Variants in ATG10 observed in about 807,000 individuals in gnomAD.
ATG10 encodes autophagy related 10.
In ATG10, 30 loss-of-function variants were observed where a neutral mutation model predicts 32.1. The observed-to-expected ratio is 0.94, with a 90% CI of 0.70 to 1.27. ATG10 has a LOEUF of 1.27. Ranked by LOEUF, ATG10 falls within the 50% of genes most tolerant of loss-of-function variation. The pLI is 0.00. For synonymous variants in ATG10, 87 were observed against 91.5 expected (o/e 0.95, Z 0.28); for missense variants, 233 against 262.3 (o/e 0.89, Z 0.77).
At chr5:82,135,237 T>C (rs1294081621) in intron 3 of ATG10, among the ~76,000 whole-genome samples, 1 of 152,218 alleles carries the variant, frequency 6.6e-6, no homozygotes, top group African/African-American at 2.4e-5. Context: ...AGTTCTGCTC[T>C]GATCTTAGTT....
At chr5:82,084,575 C>A (rs1764602215) in intron 3 of ATG10, among the ~76,000 whole-genome samples, 1 of 152,128 alleles carries the variant, frequency 6.6e-6, no homozygotes, top group Admixed American at 6.5e-5. Context: ...TTAAGGGCAG[C>A]CAGAGAGAAA....
intron 2 of ATG10, among the ~76,000 whole-genome samples, chr5:82,024,785 TA>T (rs1235189172): frequency 2.6e-5 from 4 of 152,212 alleles, no homozygotes; most frequent in African/African-American, 9.6e-5. Context: ...GAACCTCAAG[TA>T]GAGATATTCT....
chr5:81,981,908 C>T (rs1046982128), intron 1 of ATG10, among the ~76,000 whole-genome samples: 11 of 152,224 alleles, frequency 7.2e-5, no homozygotes, highest in Admixed American at 3.3e-4. Flanking sequence ...TGTTAGAATT[C>T]ACTAAGGCTG....
intron 3 of ATG10, among the ~76,000 whole-genome samples, chr5:82,079,274 G>A (rs918801077): frequency 9.9e-5 from 15 of 152,070 alleles, no homozygotes; most frequent in African/African-American, 3.6e-4. Flanking sequence ...GGCTAGGGAG[G>A]CCTCACAATC....
intron 3 of ATG10, among the ~76,000 whole-genome samples, chr5:82,138,930 C>T (rs1236239466): frequency 2.1e-5 from 3 of 143,856 alleles, no homozygotes; most frequent in Non-Finnish European, 3.0e-5. Flanking sequence ...CTGCTGCCAT[C>T]TCGGCTCACT....
chr5:81,972,201 T>TG lies in ATG10; in HGVS notation c.-116dup, dbSNP rs1218506310. 2.6e-5 allele frequency: 4 copies of TG among 152,212 alleles called. No homozygotes were observed. Among genetic ancestry groups the TG allele is most frequent in the Non-Finnish European group, 1.5e-5 (1 of 68,108 alleles). 9.4% of individuals were successfully genotyped at this position (152,212 alleles called of 1,614,324 possible). On this transcript the variant is annotated 5_prime_UTR_variant, in exon 1 of 8. Transcript: ENST00000282185. Reference sequence around the variant, plus strand: ...TTCCGTAGGGTCACCGGCGCGGCAGTGGCCTCGCAGGGCGCTGGGTCCCTC... The same window carrying TG: ...TTCCGTAGGGTCACCGGCGCGGCAGTGGGCCTCGCAGGGCGCTGGGTCCCTC...
chr5:82,085,059 C>T (rs1225686970), intron 3 of ATG10, among the ~76,000 whole-genome samples: 2 of 151,932 alleles, frequency 1.3e-5, no homozygotes, highest in African/African-American at 4.8e-5. Context: ...GAATCAAGAC[C>T]CATTAGTGTG....
chr5:82,182,316 A>G (rs778743516), intron 5 of ATG10, among the ~76,000 whole-genome samples: 3 of 152,108 alleles, frequency 2.0e-5, no homozygotes, highest in Non-Finnish European at 4.4e-5. Context: ...GGTTTTTTCC[A>G]TATCTCATAC....
chr5:82,001,562 T>C (rs1761849739), intron 2 of ATG10, among the ~76,000 whole-genome samples: 1 of 152,138 alleles, frequency 6.6e-6, no homozygotes, highest in Non-Finnish European at 1.5e-5. Context: ...GGACTCCCTA[T>C]TCAATAAATG....
intron 3 of ATG10, among the ~76,000 whole-genome samples, chr5:82,060,716 T>A (rs1763739139): frequency 6.6e-6 from 1 of 152,002 alleles, no homozygotes; most frequent in South Asian, 2.1e-4. Context: ...AATACAAAAT[T>A]TAGCCAGGTG....
intron 4 of ATG10, among the ~76,000 whole-genome samples, chr5:82,165,209 A>T (rs1206009126): frequency 6.6e-6 from 1 of 152,192 alleles, no homozygotes; most frequent in Non-Finnish European, 1.5e-5. Context: ...CCGGGTCAGC[A>T]TTGGGATGTG....
intron 5 of ATG10, among the ~76,000 whole-genome samples, chr5:82,230,051 C>G (rs1227171373): frequency 6.6e-6 from 1 of 152,210 alleles, no homozygotes; most frequent in Non-Finnish European, 1.5e-5. Flanking sequence ...AGTTGCCCAA[C>G]CCCATCCCGA....
intron 5 of ATG10, among the ~76,000 whole-genome samples, chr5:82,225,279 G>A (rs993740462): frequency 1.3e-5 from 2 of 152,208 alleles, no homozygotes; most frequent in African/African-American, 2.4e-5. Flanking sequence ...AGCACTGACT[G>A]TGTGGTCAAA....
At chr5:82,223,769 A>G (rs1428751313) in intron 5 of ATG10, among the ~76,000 whole-genome samples, 1 of 152,224 alleles carries the variant, frequency 6.6e-6, no homozygotes, top group Non-Finnish European at 1.5e-5. Context: ...TAGGTCACTG[A>G]TAGAAATTTT....
At position 82,059,405 on chromosome 5, in the gene ATG10, CACTTTT is replaced by C. The variant is rs1015820344; in HGVS notation, c.216+804_216+809del. On this transcript the variant is annotated intron_variant, in intron 3 of 7. Coordinates refer to ENST00000282185, the MANE Select transcript of ATG10 (RefSeq NM_031482.5). Reference sequence around the variant, plus strand: ...TCTATCATATACACACACACACACACACTTTTTTTTTTTTTTGCAATGAACAAGTAT... The same window carrying C: ...TCTATCATATACACACACACACACACTTTTTTTTTTGCAATGAACAAGTAT... Among the ~76,000 whole-genome samples, 6 of 143,140 alleles carry C rather than the reference CACTTTT, an allele frequency of 4.2e-5. No homozygotes were observed. The South Asian group carries it at 1.1e-3, about 26-fold the overall frequency. The allele number at this position is 143,140 out of a possible 152,430, so 93.9% of individuals were successfully genotyped here.
At chr5:82,166,948 G>T (rs961072174) in intron 4 of ATG10, among the ~76,000 whole-genome samples, 17 of 151,932 alleles carry the variant, frequency 1.1e-4, no homozygotes, top group African/African-American at 3.4e-4. Context: ...TTTTCTCCCT[G>T]TACCTATTTT....
chr5:82,040,063 T>G (rs1413930954), intron 2 of ATG10, among the ~76,000 whole-genome samples: 1 of 152,162 alleles, frequency 6.6e-6, no homozygotes, highest in African/African-American at 2.4e-5. Flanking sequence ...ACATAGCTTC[T>G]CAGGGCTCCA....
intron 3 of ATG10, among the ~76,000 whole-genome samples, 179 bp downstream of exon 3, chr5:82,058,781 T>C (rs1581645549): frequency 6.6e-6 from 1 of 152,276 alleles, no homozygotes; most frequent in Non-Finnish European, 1.5e-5. Context: ...TCAAACTTCT[T>C]CCCACTGGAG....
At chr5:82,023,199 C>G (rs1304890669) in intron 2 of ATG10, among the ~76,000 whole-genome samples, 1 of 151,704 alleles carries the variant, frequency 6.6e-6, no homozygotes. Context: ...AAAAAGAATA[C>G]TTTTATTTAA....
Sources: gnomAD v4.1 joint callset for allele counts (sites outside exome capture counted in the v4.1 genomes callset) on GRCh38, gnomAD v4.1.1 for gene constraint, MANE v1.5 for transcripts, NCBI Gene and HGNC (gene_info 2026-07-23, HGNC 2026-07-21) for gene names.